The following MAF variants were observed in gnomAD, a reference collection of about 807,000 sequenced individuals.
MAF encodes the protein MAF bZIP transcription factor, also known as transcription factor Maf.
In MAF, 10 loss-of-function variants were observed where a neutral mutation model predicts 22.0. The observed-to-expected ratio is 0.45, with a 90% CI of 0.28 to 0.77. MAF has a LOEUF of 0.77. Ranked by LOEUF, MAF falls within the 30% of genes least tolerant of loss-of-function variation. The pLI, the probability that MAF is intolerant of heterozygous loss-of-function variation, is 0.12. For missense variants in MAF, 544 were observed against 548.4 expected (o/e 0.99, Z 0.08); for synonymous variants, 337 against 255.8 (o/e 1.32, Z -3.03).
chr16:79,206,982 G>A, the MAF span, among the ~76,000 whole-genome samples: 4 of 152,272 alleles, frequency 2.6e-5, no homozygotes, highest in South Asian at 6.2e-4. Context: ...AGCTGTAATT[G>A]TTTGTGAGGA....
At chr16:79,402,241 G>A in the MAF span, among the ~76,000 whole-genome samples, 1 of 152,188 alleles carries the variant, frequency 6.6e-6, no homozygotes, top group Non-Finnish European at 1.5e-5. Context: ...ATAAGATCAT[G>A]AGCATTTGCT....
At chr16:79,557,290 T>G in the MAF span, among the ~76,000 whole-genome samples, 1 of 151,914 alleles carries the variant, frequency 6.6e-6, no homozygotes, top group Non-Finnish European at 1.5e-5. Flanking sequence ...GAGGAGAAAA[T>G]TAGACAATGG....
chr16:79,233,014 G>A, the MAF span, among the ~76,000 whole-genome samples: 1 of 151,780 alleles, frequency 6.6e-6, no homozygotes, highest in South Asian at 2.1e-4. Context: ...CTAATGTTTT[G>A]TATTTTTAGT....
At chr16:79,468,283 T>C in the MAF span, among the ~76,000 whole-genome samples, 2 of 152,190 alleles carry the variant, frequency 1.3e-5, no homozygotes, top group Non-Finnish European at 1.5e-5. Flanking sequence ...TGCCTTCCCC[T>C]GTGTGATTTA....
At chr16:79,530,700 A>G in the MAF span, among the ~76,000 whole-genome samples, 1 of 152,126 alleles carries the variant, frequency 6.6e-6, no homozygotes, top group Non-Finnish European at 1.5e-5. Flanking sequence ...ATGTTTTTTG[A>G]ATATTGTGAA....
At chr16:79,285,067 T>C in the MAF span, among the ~76,000 whole-genome samples, 1 of 152,232 alleles carries the variant, frequency 6.6e-6, no homozygotes, top group Non-Finnish European at 1.5e-5. Context: ...GCTTGCATAT[T>C]GGCCCAGAAA....
the MAF span, among the ~76,000 whole-genome samples, chr16:79,271,710 G>C: frequency 6.6e-6 from 1 of 152,226 alleles, no homozygotes; most frequent in Non-Finnish European, 1.5e-5. Flanking sequence ...TTCCAAACAT[G>C]ATTTGGAGCA....
chr16:79,483,700 C>T, the MAF span, among the ~76,000 whole-genome samples: 1 of 152,134 alleles, frequency 6.6e-6, no homozygotes, highest in Non-Finnish European at 1.5e-5. Flanking sequence ...TAGCTCAAAT[C>T]ATGTAGCTCA....
At chr16:79,361,827 A>C in the MAF span, among the ~76,000 whole-genome samples, 4 of 152,230 alleles carry the variant, frequency 2.6e-5, no homozygotes, top group Non-Finnish European at 5.9e-5. Flanking sequence ...AAGTCAGATA[A>C]ATGCTTAAAG....
the MAF span, among the ~76,000 whole-genome samples, chr16:79,228,502 A>C: frequency 6.6e-6 from 1 of 152,032 alleles, no homozygotes; most frequent in Non-Finnish European, 1.5e-5. Context: ...AAAGCTTCAC[A>C]AATTGGCCTG....
At chr16:79,257,240 G>C in the MAF span, among the ~76,000 whole-genome samples, 1 of 151,978 alleles carries the variant, frequency 6.6e-6, no homozygotes, top group Non-Finnish European at 1.5e-5. Flanking sequence ...ATCTGAATGA[G>C]GTGTGTTGTT....
the MAF span, among the ~76,000 whole-genome samples, chr16:79,442,092 G>A: frequency 6.6e-6 from 1 of 152,218 alleles, no homozygotes; most frequent in Admixed American, 6.5e-5. Flanking sequence ...GAGGGAAAGT[G>A]GCCCTGCCCA....
chr16:79,555,202 T>A, the MAF span, among the ~76,000 whole-genome samples: 1 of 152,224 alleles, frequency 6.6e-6, no homozygotes, highest in African/African-American at 2.4e-5. Flanking sequence ...TCCTCCTCTC[T>A]CATCTCTCTG....
At chr16:79,325,340 G>A in the MAF span, among the ~76,000 whole-genome samples, 2 of 152,300 alleles carry the variant, frequency 1.3e-5, no homozygotes, top group South Asian at 2.1e-4. Flanking sequence ...CCAGCTGGCA[G>A]ATGCTCTGCT....
At chr16:79,209,712 G>C in the MAF span, among the ~76,000 whole-genome samples, 2 of 152,206 alleles carry the variant, frequency 1.3e-5, no homozygotes, top group Non-Finnish European at 2.9e-5. Flanking sequence ...CTTGGCTTGA[G>C]TTAGCTGGAT....
the MAF span, among the ~76,000 whole-genome samples, chr16:79,491,183 G>C: frequency 1.3e-5 from 2 of 152,150 alleles, no homozygotes; most frequent in Admixed American, 1.3e-4. Context: ...TGCTTTCAGG[G>C]CAGGCCTGAC....
At chr16:79,403,356 G>T in the MAF span, among the ~76,000 whole-genome samples, 1 of 152,162 alleles carries the variant, frequency 6.6e-6, no homozygotes, top group African/African-American at 2.4e-5. Flanking sequence ...CTCTCGCCTG[G>T]GTTATCAACC....
chr16:79,545,985 T>C, the MAF span, among the ~76,000 whole-genome samples: 1 of 152,272 alleles, frequency 6.6e-6, no homozygotes, highest in South Asian at 2.1e-4. Flanking sequence ...TATTTCACAG[T>C]GTAAACATAC....
chr16:79,596,096 AC>A, intron 1 of MAF: 1 of 1,062,498 alleles, frequency 9.4e-7, no homozygotes, highest in East Asian at 5.1e-5. Context: ...TGCGCAAGCC[AC>A]CTCTGATGCG....
Sources: gnomAD v4.1 joint callset for allele counts (sites outside exome capture counted in the v4.1 genomes callset) on GRCh38, gnomAD v4.1.1 for gene constraint, MANE v1.5 for transcripts, NCBI Gene and HGNC (gene_info 2026-07-23, HGNC 2026-07-21) for gene names.